The following PSPC1 variants were observed in gnomAD, a reference collection of about 807,000 sequenced individuals.
The protein encoded by PSPC1 is paraspeckle protein 1.
In PSPC1, 14 loss-of-function variants were observed where a neutral mutation model predicts 51.6. The observed-to-expected ratio is 0.27, with a 90% CI of 0.18 to 0.42. The LOEUF (loss-of-function observed/expected upper bound fraction) is 0.42. Ranked by LOEUF, PSPC1 falls within the 10% of genes least tolerant of loss-of-function variation. PSPC1 has a pLI of 1.00. For missense variants in PSPC1, 406 were observed against 701.1 expected, an observed-to-expected ratio of 0.58 and a Z score of 4.75; for synonymous variants, 193 against 231.9, an observed-to-expected ratio of 0.83 and a Z score of 1.53.
intron 4 of PSPC1, among the ~76,000 whole-genome samples, chr13:19,742,260 C>CAAAAAAAA (rs36104148): frequency 5.0e-5 from 6 of 119,138 alleles, no homozygotes; most frequent in Non-Finnish European, 8.2e-5. Flanking sequence ...GACTCAATCT[C>CAAAAAAAA]AAAAAAAAAA....
intron 1 of PSPC1, among the ~76,000 whole-genome samples, chr13:19,773,022 C>A (rs549979271): frequency 6.6e-6 from 1 of 151,690 alleles, no homozygotes; most frequent in African/African-American, 2.4e-5. Flanking sequence ...ATTAGCTGGG[C>A]GTGGTGGCGG....
intron 6 of PSPC1, among the ~76,000 whole-genome samples, chr13:19,714,611 CA>C (rs1881866008): frequency 1.2e-5 from 1 of 83,210 alleles, no homozygotes; most frequent in South Asian, 5.7e-4. Context: ...CCTCCTGCCT[CA>C]GCCTCAAGGG....
At chr13:19,688,892 C>T (rs1177353429) in intron 6 of PSPC1, among the ~76,000 whole-genome samples, 2 of 150,704 alleles carry the variant, frequency 1.3e-5, no homozygotes. Flanking sequence ...GTTTATATGG[C>T]ATCAAAGACA....
In PSPC1 at chr13:19,726,475, G is replaced by A. The variant is rs139736352; in HGVS notation, c.1158+3764C>T. ...TATATTGCAAGGTTGAAAACTACTGGATTTAGCAAAAAAATGTGATCAAAG... is the reference window on the plus strand; with the variant it reads ...TATATTGCAAGGTTGAAAACTACTGAATTTAGCAAAAAAATGTGATCAAAG... On this transcript the variant is annotated intron_variant, in intron 6 of 8. Coordinates refer to ENST00000338910, the MANE Select transcript of PSPC1 (RefSeq NM_001354909.2). 4.6e-5 allele frequency among the ~76,000 whole-genome samples: 7 copies of A among 152,184 alleles called. No homozygotes were observed. In the East Asian group the frequency reaches 1.4e-3, roughly 29 times the overall value.
intron 4 of PSPC1, among the ~76,000 whole-genome samples, chr13:19,744,556 T>TTTTTTTTTC (rs753691639): frequency 1.3e-5 from 2 of 151,262 alleles, no homozygotes; most frequent in Non-Finnish European, 2.9e-5. Flanking sequence ...TAGAGATGTC[T>TTTTTTTTTC]TTTTTTTTCT....
chr13:19,734,042 C>A (rs1884467833), intron 5 of PSPC1, among the ~76,000 whole-genome samples: 1 of 152,102 alleles, frequency 6.6e-6, no homozygotes, highest in Non-Finnish European at 1.5e-5. Flanking sequence ...GGAACAGGAG[C>A]ATTGCCCTTA....
At chr13:19,711,301 T>C (rs4463940) in intron 6 of PSPC1, among the ~76,000 whole-genome samples, 139,321 of 152,142 alleles carry the variant, frequency 0.92, 65,011 homozygotes, top group Non-Finnish European at 1. Flanking sequence ...AGGCAGATCA[T>C]CTGAGGTCAG....
intron 6 of PSPC1, among the ~76,000 whole-genome samples, chr13:19,723,450 T>C (rs1010893417): frequency 6.6e-6 from 1 of 152,228 alleles, no homozygotes; most frequent in Non-Finnish European, 1.5e-5. Flanking sequence ...AGGCTAACTA[T>C]ACCTCCTGGT....
intron 6 of PSPC1, among the ~76,000 whole-genome samples, chr13:19,694,178 TACACACAC>T (rs373687009): frequency 0.013 from 1,486 of 118,722 alleles, 26 homozygotes; most frequent in African/African-American, 0.046. Context: ...CATACACACA[TACACACAC>T]ACACACACTA....
Position 19,730,256 on chromosome 13 carries a change from G to T in PSPC1, c.1141C>A (p.Pro381Thr). The T allele has an allele frequency of 6.2e-7, 1 of 1,613,384 alleles. No homozygotes were observed. The change falls in exon 6 of 9, where the codon CCA becomes ACA. Residue 381 changes from proline (P) to threonine (T), a missense_variant. By Grantham distance (38) the Pro-to-Thr change is conservative. Around this residue, in one of 5 missense-constraint regions of PSPC1, gnomAD observed 61 missense variants for 78.4 expected, o/e 0.78. Transcript: ENST00000338910. ...TTACTTACATTTTCCATGTAGTTTGGCTTAAAGCCCTCTTGCTGTCGCCTC... is the reference window on the plus strand; with the variant it reads ...TTACTTACATTTTCCATGTAGTTTGTCTTAAAGCCCTCTTGCTGTCGCCTC... Reference protein sequence around the residue: ...ELRRQQEGFKPNYMENREQEM... With the variant: ...ELRRQQEGFKTNYMENREQEM...
At chr13:19,753,283 CAAAA>C (rs1184204944) in intron 3 of PSPC1, among the ~76,000 whole-genome samples, 2 of 64,550 alleles carry the variant, frequency 3.1e-5, no homozygotes, top group East Asian at 5.5e-4. Flanking sequence ...GACTCCATCT[CAAAA>C]AAAAAAAAAA....
At chr13:19,697,580 A>G (rs1021872112), downstream of PSPC1, among the ~76,000 whole-genome samples, 3 of 152,164 alleles carry the variant, frequency 2.0e-5, no homozygotes, top group Non-Finnish European at 4.4e-5. Flanking sequence ...TTCTCACTCC[A>G]AAGTTATCCT....
intron 6 of PSPC1, among the ~76,000 whole-genome samples, chr13:19,723,449 A>G (rs1883012051): frequency 6.6e-6 from 1 of 152,218 alleles, no homozygotes; most frequent in Non-Finnish European, 1.5e-5. Context: ...TAGGCTAACT[A>G]TACCTCCTGG....
chr13:19,779,379 G>C (rs1889619893), intron 1 of PSPC1, among the ~76,000 whole-genome samples: 2 of 100,482 alleles, frequency 2.0e-5, no homozygotes, highest in African/African-American at 3.7e-5. Flanking sequence ...GGAGGGAGGT[G>C]GGGGGGTCAG....
intron 6 of PSPC1, among the ~76,000 whole-genome samples, chr13:19,723,752 T>G (rs1220573182): frequency 2.0e-5 from 3 of 152,184 alleles, no homozygotes; most frequent in Non-Finnish European, 4.4e-5. Flanking sequence ...ATCACAAAAG[T>G]CTAAGTTAAG....
intron 8 of PSPC1, among the ~76,000 whole-genome samples, chr13:19,704,411 A>AT (rs1880382587): frequency 6.6e-6 from 1 of 152,300 alleles, no homozygotes; most frequent in African/African-American, 2.4e-5. Flanking sequence ...TAAATGCTGC[A>AT]TTCAACTCTA....
At chr13:19,690,747 C>T (rs1053992939) in intron 6 of PSPC1, among the ~76,000 whole-genome samples, 28 of 152,190 alleles carry the variant, frequency 1.8e-4, no homozygotes, top group African/African-American at 6.0e-4. Flanking sequence ...TCATTCCACT[C>T]TCTGGTCCCA....
At chr13:19,725,167 A>T (rs1221647134) in intron 6 of PSPC1, among the ~76,000 whole-genome samples, 4 of 151,976 alleles carry the variant, frequency 2.6e-5, no homozygotes, top group Non-Finnish European at 5.9e-5. Context: ...ACAGAGCAAG[A>T]CTCCATCTCA....
Position 19,703,191 on chromosome 13 carries a change from T to G in PSPC1, c.1556A>C (p.Lys519Thr). The G allele has an allele frequency of 6.2e-7, 1 of 1,614,126 alleles. No homozygotes were observed. Among genetic ancestry groups the G allele is most frequent in the Non-Finnish European group, 8.5e-7 (1 of 1,179,982 alleles). Residue 519 changes from lysine (K) to threonine (T), a missense_variant, in exon 9 of 9, where the codon AAG (lysine) becomes ACG (threonine). By Grantham distance (78) the Lys-to-Thr change is moderately conservative. Transcript: ENST00000338910. ...AACGAATGTTTAATATCTACGACGC[T>G]TATTAGGGCCTTCAAAGTTGCCCCC... ...SQGGNFEGPN[K>T]RRRY
Sources: gnomAD v4.1 joint callset for allele counts (sites outside exome capture counted in the v4.1 genomes callset) on GRCh38, gnomAD v4.1.1 for gene constraint, gnomAD v4.1.1 regional missense constraint, MANE v1.5 for transcripts, NCBI Gene and HGNC (gene_info 2026-07-23, HGNC 2026-07-21) for gene names.